Variants in RAB3GAP1 observed in about 807,000 individuals in gnomAD.
The protein encoded by RAB3GAP1 is rab3 GTPase-activating protein catalytic subunit.
RAB3GAP1 carries 86 observed loss-of-function variants against 130.7 expected under a neutral mutation model. The observed-to-expected ratio is 0.66, with a 90% CI of 0.55 to 0.79. The LOEUF (loss-of-function observed/expected upper bound fraction) is 0.79, where lower values mean the gene tolerates loss of function less well. RAB3GAP1 is among the 30% of genes least tolerant of loss of function. The pLI, the probability that RAB3GAP1 is intolerant of heterozygous loss-of-function variation, is 0.00. For missense variants in RAB3GAP1, 1,029 were observed against 1,169.4 expected, an observed-to-expected ratio of 0.88 and a Z score of 1.75; for synonymous variants, 367 against 401.7, an observed-to-expected ratio of 0.91 and a Z score of 1.03.
intron 17 of RAB3GAP1, among the ~76,000 whole-genome samples, chr2:135,142,056 CTTG>C (rs1340665256): frequency 6.6e-6 from 1 of 152,136 alleles, no homozygotes; most frequent in South Asian, 2.1e-4. Flanking sequence ...TGAGAATCAG[CTTG>C]TTAATTTTTA....
chr2:135,157,383 T>G (rs1692340071), intron 19 of RAB3GAP1, among the ~76,000 whole-genome samples: 1 of 152,156 alleles, frequency 6.6e-6, no homozygotes, highest in African/African-American at 2.4e-5. Flanking sequence ...GAAAGCAAGT[T>G]GAGATACATT....
chr2:135,093,454 G>T (rs1690203217), intron 4 of RAB3GAP1, among the ~76,000 whole-genome samples, 161 bp from the exon 5 acceptor site: 1 of 152,030 alleles, frequency 6.6e-6, no homozygotes, highest in African/African-American at 2.4e-5. Context: ...AAATGAGAGA[G>T]AAATCCCTCT....
intron 17 of RAB3GAP1, 80 bp from the exon 18 acceptor site, chr2:135,150,289 T>C: frequency 1.9e-6 from 3 of 1,542,634 alleles, no homozygotes; most frequent in Non-Finnish European, 2.7e-6. Flanking sequence ...CTGAAATGAC[T>C]GTTGTCTTTA....
At chr2:135,117,894 C>T (rs1691077987) in intron 7 of RAB3GAP1, among the ~76,000 whole-genome samples, 2 of 151,352 alleles carry the variant, frequency 1.3e-5, no homozygotes, top group Admixed American at 6.6e-5. Context: ...CACTCTGTCA[C>T]CCAGGCTGCA....
At chr2:135,147,345 C>CAA (rs34677841) in intron 17 of RAB3GAP1, among the ~76,000 whole-genome samples, 2 of 84,020 alleles carry the variant, frequency 2.4e-5, no homozygotes, top group African/African-American at 9.0e-5. Context: ...GACTCTGTCT[C>CAA]AAAAAAAAAA....
rs74995972 is a variant in RAB3GAP1, at chr2:135,058,261, T to C, written c.150+175T>C. The C allele has an allele frequency of 2.5e-3, 1,506 of 611,848 alleles. 15 individuals are homozygous for C. The African/African-American group carries it at 0.025, about 10-fold the overall frequency. The allele number at this position is 611,848 out of a possible 1,614,324, so 37.9% of individuals were successfully genotyped here. A position where few individuals can be genotyped will look rare whatever the true frequency, so the allele number is the denominator to read the frequency against. The stretch of plus-strand genomic sequence containing the variant: ...ATTTAAATCTGTGGCAAATGATATA[T>C]GTAAGACATTTGTGAAATGTTTAAT... On this transcript the variant is annotated intron_variant, in intron 3 of 23. Coordinates refer to ENST00000264158, the MANE Select transcript of RAB3GAP1 (RefSeq NM_012233.3).
chr2:135,159,583 G>T (rs1209965945), intron 19 of RAB3GAP1, among the ~76,000 whole-genome samples: 1 of 152,218 alleles, frequency 6.6e-6, no homozygotes, highest in African/African-American at 2.4e-5. Flanking sequence ...CACAGCCAAG[G>T]GAGCCTAGAA....
chr2:135,129,313 G>A (rs1394063671), intron 11 of RAB3GAP1, among the ~76,000 whole-genome samples: 1 of 151,692 alleles, frequency 6.6e-6, no homozygotes, highest in Non-Finnish European at 1.5e-5. Context: ...TTAGCCAGGC[G>A]TGGTTGTGGG....
chr2:135,115,951 G>C (rs909648938), intron 7 of RAB3GAP1, among the ~76,000 whole-genome samples: 10 of 152,146 alleles, frequency 6.6e-5, no homozygotes, highest in African/African-American at 1.9e-4. Flanking sequence ...TGTGGGGTTG[G>C]GGGGAATGGG....
chr2:135,082,406 G>A (rs1284641490), intron 3 of RAB3GAP1, among the ~76,000 whole-genome samples: 1 of 150,766 alleles, frequency 6.6e-6, no homozygotes, highest in Non-Finnish European at 1.5e-5. Context: ...GCCTGTTCTG[G>A]ACATATCATA....
chr2:135,156,019 C>A (rs1180876972), intron 19 of RAB3GAP1, among the ~76,000 whole-genome samples: 1 of 152,018 alleles, frequency 6.6e-6, no homozygotes, highest in Non-Finnish European at 1.5e-5. Flanking sequence ...ACTACTGATA[C>A]AGAGGAAATG....
intron 5 of RAB3GAP1, among the ~76,000 whole-genome samples, chr2:135,095,239 G>A (rs191120623): frequency 5.9e-5 from 9 of 152,166 alleles, no homozygotes; most frequent in Middle Eastern, 3.4e-3. Flanking sequence ...TAGTAGAGAC[G>A]GGGTTTCACT....
intron 11 of RAB3GAP1, among the ~76,000 whole-genome samples, chr2:135,129,639 G>A (rs1691472851): frequency 6.6e-6 from 1 of 152,010 alleles, no homozygotes; most frequent in Non-Finnish European, 1.5e-5. Context: ...GTTGGGGAAA[G>A]ATTACTACAT....
At chr2:135,114,924 A>G (rs1448983527) in intron 6 of RAB3GAP1, among the ~76,000 whole-genome samples, 2 of 152,218 alleles carry the variant, frequency 1.3e-5, no homozygotes, top group Admixed American at 1.3e-4. Context: ...ATATGAAATA[A>G]TCACTTTTAC....
rs1691668208 is a variant in RAB3GAP1 at position 135,135,928 on chromosome 2, C to T, written c.1919C>T (p.Thr640Ile). ...HNGEPLYIPV[T>I]QEPAPMTEDL... ...GGAGAACCTCTCTACATTCCAGTAA[C>T]CCAGGTAGGATGCACTAGTTCTTTC... The change falls in exon 17 of 24, where the codon ACC (threonine) becomes ATC (isoleucine). Residue 640 changes from threonine to isoleucine, a missense_variant. Around this residue, in one of 3 missense-constraint regions of RAB3GAP1, gnomAD observed 373 missense variants for 493.6 expected, o/e 0.76. Transcript: ENST00000264158. 1 of 1,613,802 alleles carries T rather than the reference C, an allele frequency of 6.2e-7. No individual in the cohort carries two copies. The highest frequency in any genetic ancestry group is 8.5e-7 in the Non-Finnish European group (1 of 1,179,678).
intron 8 of RAB3GAP1, among the ~76,000 whole-genome samples, chr2:135,122,286 T>C (rs1490033320): frequency 6.6e-6 from 1 of 152,200 alleles, no homozygotes; most frequent in African/African-American, 2.4e-5. Context: ...CAAATGTTTG[T>C]GTTGGTAGTT....
chr2:135,099,530 A>T (rs1690395309), intron 5 of RAB3GAP1, among the ~76,000 whole-genome samples: 1 of 151,550 alleles, frequency 6.6e-6, no homozygotes, highest in African/African-American at 2.4e-5. Context: ...GTCTATGTTC[A>T]TGTGGGATGT....
At chr2:135,114,542 C>T (rs1048606078) in intron 6 of RAB3GAP1, among the ~76,000 whole-genome samples, 1 of 152,208 alleles carries the variant, frequency 6.6e-6, no homozygotes, top group Non-Finnish European at 1.5e-5. Context: ...GTTATCAATT[C>T]CTCATCTGTT....
chr2:135,085,380 A>G (rs961522660), intron 3 of RAB3GAP1, among the ~76,000 whole-genome samples: 1 of 152,210 alleles, frequency 6.6e-6, no homozygotes, highest in Non-Finnish European at 1.5e-5. Context: ...AAGCTGTTGA[A>G]TATTTTAAGT....
Sources: allele counts gnomAD v4.1 joint callset (sites outside exome capture counted in the v4.1 genomes callset), GRCh38; gene constraint gnomAD v4.1.1; regional missense constraint gnomAD v4.1.1; transcripts MANE v1.5; gene names NCBI Gene and HGNC (gene_info 2026-07-23, HGNC 2026-07-21).